XPO6: variants seen among roughly 807,000 people sequenced by gnomAD.
XPO6 encodes exportin-6.
A neutral mutation model predicts 130.0 loss-of-function variants in XPO6; 3 were observed. The ratio of observed to expected loss-of-function variants is 0.02; its 90% CI spans 0.01 to 0.06. The LOEUF (loss-of-function observed/expected upper bound fraction) is 0.06, where lower values mean the gene tolerates loss of function less well. Among genes scored for constraint, XPO6 ranks in the 10% least tolerant of loss-of-function variants. The probability of loss-of-function intolerance (pLI) is 1.00; values close to 1 mark genes in which losing one functional copy is unlikely to be tolerated. For synonymous variants in XPO6, 524 were observed against 548.9 expected, an observed-to-expected ratio of 0.95 and a Z score of 0.63; for missense variants, 970 against 1,393.0, an observed-to-expected ratio of 0.70 and a Z score of 4.83.
chr16:28,113,128 G>T, intron 15 of XPO6, 78 bp from the exon 16 acceptor site: 1 of 1,519,680 alleles, frequency 6.6e-7, no homozygotes. Flanking sequence ...GCAGCCACAA[G>T]CTATGTGTCA....
At chr16:28,115,869 T>G (rs1338970175) in intron 15 of XPO6, among the ~76,000 whole-genome samples, 6 of 152,228 alleles carry the variant, frequency 3.9e-5, no homozygotes, top group Non-Finnish European at 7.3e-5. Flanking sequence ...TGCTGCTTCA[T>G]CCTGGAGATG....
rs113189417 is a variant in XPO6 at position 28,162,560 on chromosome 16, AT to A, written c.643+3947del. Among the ~76,000 whole-genome samples the A allele has an allele frequency of 8.5e-3, 1,192 of 139,940 alleles. 6 individuals are homozygous for A. Among genetic ancestry groups the A allele is most frequent in the African/African-American group, 0.018 (694 of 38,226 alleles). The allele number at this position is 139,940 out of a possible 152,430, so 91.8% of individuals were successfully genotyped here. ...TGAAGACATGGTTGGCATATTTGTA[AT>A]TTTTTTTTTTTTTTTTTGGAGACAG... On this transcript the variant is annotated intron_variant, in intron 6 of 23. Coordinates refer to ENST00000304658, the MANE Select transcript of XPO6 (RefSeq NM_015171.4).
In XPO6 at chr16:28,117,313, G is replaced by A. The variant is rs560998942; in HGVS notation, c.2004+5C>T. ...TAAAAGGTGTAGGCTTTGCTGTTTC[G>A]AGACCTTGGTGCTGATTAGAGGTGT... is the stretch of plus-strand genomic sequence containing the variant. On this transcript the variant is annotated splice_donor_5th_base_variant and intron_variant, in intron 15 of 23. Transcript: ENST00000304658. 8.7e-6 allele frequency: 14 copies of A among 1,613,590 alleles called. No homozygotes were observed. The highest frequency in any genetic ancestry group is 4.5e-5 in the East Asian group (2 of 44,898).
intron 17 of XPO6, among the ~76,000 whole-genome samples, chr16:28,109,483 C>G (rs938654419): frequency 6.6e-6 from 1 of 152,042 alleles, no homozygotes; most frequent in Non-Finnish European, 1.5e-5. Context: ...CTACTCCCAA[C>G]AGGCATCCAG....
intron 12 of XPO6, among the ~76,000 whole-genome samples, chr16:28,131,243 T>C (rs2042662963): frequency 6.6e-6 from 1 of 152,184 alleles, no homozygotes; most frequent in East Asian, 1.9e-4. Context: ...CACTAGATTA[T>C]TTAGAAGCTT....
intron 6 of XPO6, chr16:28,165,563 C>T (rs2043344604): frequency 6.6e-6 from 1 of 152,160 alleles, no homozygotes; most frequent in East Asian, 1.9e-4. Flanking sequence ...ACTATGAGTA[C>T]TCCCCAAAAC....
chr16:28,102,832 T>C (rs2086681802), intron 21 of XPO6, among the ~76,000 whole-genome samples: 2 of 152,048 alleles, frequency 1.3e-5, no homozygotes, highest in African/African-American at 2.4e-5. Context: ...ACAGAAAGAA[T>C]AGAAAGTGAC....
At chr16:28,161,047 C>A (rs2043270245) in intron 6 of XPO6, among the ~76,000 whole-genome samples, 1 of 152,174 alleles carries the variant, frequency 6.6e-6, no homozygotes, top group South Asian at 2.1e-4. Flanking sequence ...GAAGAAAATG[C>A]AACTCCACAC....
At chr16:28,125,617 C>A (rs1003644533) in intron 13 of XPO6, 72 bp downstream of exon 13, 8 of 1,544,600 alleles carry the variant, frequency 5.2e-6, no homozygotes, top group Middle Eastern at 1.8e-4. Context: ...TGGCAATATG[C>A]TGCCCCTCAC....
intron 1 of XPO6, among the ~76,000 whole-genome samples, chr16:28,201,347 A>G (rs753821545): frequency 2.0e-5 from 3 of 152,058 alleles, no homozygotes; most frequent in Non-Finnish European, 4.4e-5. Context: ...GTTTATTTTT[A>G]CACCTGACTC....
chr16:28,207,422 G>C (rs1403121903), intron 1 of XPO6, among the ~76,000 whole-genome samples: 2 of 152,140 alleles, frequency 1.3e-5, no homozygotes, highest in Non-Finnish European at 2.9e-5. Flanking sequence ...AAAGTAGTGG[G>C]AACCTCTAAC....
chr16:28,207,783 C>T lies in XPO6; in HGVS notation c.3+3583G>A, dbSNP rs565370445. ...TCACAGAGCAGGTCTGTCCATCTCC[C>T]GCTCTGGCAGGAACAGCCATAGTGG... On this transcript the variant is annotated intron_variant, in intron 1 of 23. Coordinates refer to ENST00000304658, the MANE Select transcript of XPO6 (RefSeq NM_015171.4). 3.2e-3 allele frequency among the ~76,000 whole-genome samples: 482 copies of T among 152,298 alleles called. 5 individuals carry two copies. Among genetic ancestry groups the T allele is most frequent in the African/African-American group, 0.011 (468 of 41,566 alleles).
chr16:28,161,309 A>T (rs1178590627), intron 6 of XPO6, among the ~76,000 whole-genome samples: 2 of 152,196 alleles, frequency 1.3e-5, no homozygotes, highest in African/African-American at 4.8e-5. Context: ...GGGGACTTCC[A>T]GGGGTCCCCA....
intron 1 of XPO6, among the ~76,000 whole-genome samples, chr16:28,189,332 G>C (rs2043748510): frequency 6.7e-6 from 1 of 149,700 alleles, no homozygotes; most frequent in Non-Finnish European, 1.5e-5. Flanking sequence ...AAAAGAAAAA[G>C]TGGTGAAGCC....
At position 28,114,951 on chromosome 16, in the gene XPO6, T is replaced by A. The variant is rs553210206; in HGVS notation, c.2005-1901A>T. ...CTCAAAAACCCACTTTCTTTGGTCA[T>A]TTACAAGAAGCAAGTCCCCATCTGT... On this transcript the variant is annotated intron_variant, in intron 15 of 23. Coordinates refer to ENST00000304658, the MANE Select transcript of XPO6 (RefSeq NM_015171.4). Among the ~76,000 whole-genome samples the A allele has an allele frequency of 3.2e-4, 48 of 152,332 alleles. No individual in the cohort carries two copies. In the South Asian group the frequency reaches 9.7e-3, roughly 31 times the overall value.
At position 28,135,339 on chromosome 16, in the gene XPO6, G is replaced by A; in HGVS notation, c.1335-15C>T. On this transcript the variant is annotated splice_polypyrimidine_tract_variant and intron_variant, in intron 9 of 23. Transcript: ENST00000304658. Reference sequence around the variant, plus strand: ...CATCTTCGTACCTATGTGGCAGGGAGAAATTCAACATTGAAAGGAGGCTTT... The same window carrying A: ...CATCTTCGTACCTATGTGGCAGGGAAAAATTCAACATTGAAAGGAGGCTTT... 1 of 1,608,180 alleles carries A rather than the reference G, an allele frequency of 6.2e-7. No homozygotes were observed. Among genetic ancestry groups the A allele is most frequent in the South Asian group, 1.1e-5 (1 of 90,666 alleles).
intron 5 of XPO6, among the ~76,000 whole-genome samples, chr16:28,169,032 G>A (rs1410598642): frequency 6.6e-6 from 1 of 152,180 alleles, no homozygotes; most frequent in African/African-American, 2.4e-5. Context: ...CTGGATAAAG[G>A]AGTTAGAGAT....
In XPO6 at chr16:28,101,399, G is replaced by A; in HGVS notation, c.3276+59C>T. The stretch of plus-strand genomic sequence containing the variant: ...AATGTGCCCCCTCCTTGCTGCACAG[G>A]TGCCAGGCTTGCGTGCCCACTCTGC... On this transcript the variant is annotated intron_variant, in intron 23 of 23. Coordinates refer to ENST00000304658, the MANE Select transcript of XPO6 (RefSeq NM_015171.4). This position sits in a 1 kb window ranked among gnomAD's most constrained non-coding sequence, Gnocchi z 5.4. 6.8e-7 allele frequency: 1 copy of A among 1,476,200 alleles called. No homozygotes were observed. Among genetic ancestry groups the A allele is most frequent in the Middle Eastern group, 1.7e-4 (1 of 5,836 alleles). 91.4% of individuals were successfully genotyped at this position (1,476,200 alleles called of 1,614,324 possible). A position where few individuals can be genotyped will look rare whatever the true frequency, so the allele number is the denominator to read the frequency against.
Position 28,153,914 on chromosome 16 carries a change from C to T in XPO6, c.1098-1129G>A, listed in dbSNP as rs116953915. The T allele has an allele frequency of 2.7e-3, 2,706 of 985,412 alleles. 3 individuals are homozygous for T. The highest frequency in any genetic ancestry group is 4.2e-3 in the Middle Eastern group (8 of 1,912). The allele number at this position is 985,412 out of a possible 1,614,324, so 61.0% of individuals were successfully genotyped here. The stretch of plus-strand genomic sequence containing the variant: ...CCCATGTTGCTCCTGGGACCTATCT[C>T]CCTGAGGGTGGCCAGCCTGCCTGCC... On this transcript the variant is annotated intron_variant, in intron 7 of 23. Transcript: ENST00000304658.
Sources: allele counts gnomAD v4.1 joint callset (sites outside exome capture counted in the v4.1 genomes callset), GRCh38; gene constraint gnomAD v4.1.1; non-coding constraint Gnocchi (gnomAD v3.1); transcripts MANE v1.5; gene names NCBI Gene and HGNC (gene_info 2026-07-23, HGNC 2026-07-21).